HBZ: variants seen among roughly 807,000 people sequenced by gnomAD.
HBZ encodes the protein hemoglobin subunit zeta.
A neutral mutation model predicts 5.8 loss-of-function variants in HBZ; 2 were observed. The ratio of observed to expected loss-of-function variants is 0.34; its 90% CI spans 0.14 to 1.09. The LOEUF (loss-of-function observed/expected upper bound fraction) is 1.09. Among genes scored for constraint, HBZ ranks in the 50% least tolerant of loss-of-function variants. HBZ has a pLI of 0.42. For synonymous variants in HBZ, 39 were observed against 47.4 expected, an observed-to-expected ratio of 0.82 and a Z score of 0.73; for missense variants, 47 against 97.8, an observed-to-expected ratio of 0.48 and a Z score of 2.19.
rs1480061996 is a variant in HBZ, at chr16:153,013, C to G, written c.95+9C>G. On this transcript the variant is annotated intron_variant, in intron 1 of 2. Coordinates refer to ENST00000252951, the MANE Select transcript of HBZ (RefSeq NM_005332.3). ...ACCGAGACTCTGGAGAGGTGAGTGT[C>G]AGACGGGACTGCCAGAGGGACTGGG... 11 of 1,565,166 alleles carry G rather than the reference C, an allele frequency of 7.0e-6. No homozygotes were observed. The highest frequency in any genetic ancestry group is 9.6e-6 in the Non-Finnish European group (11 of 1,150,820).
At position 152,982 on chromosome 16, in the gene HBZ, A is replaced by G. The variant is rs1278413695; in HGVS notation, c.73A>G (p.Ile25Val). ...CAAGATCTCCACGCAGGCCGACACC[A>G]TCGGCACCGAGACTCTGGAGAGGTG... ...WAKISTQADT[I>V]GTETLERLFL... The change falls in exon 1 of 3, where the codon ATC becomes GTC. Residue 25 changes from isoleucine (I) to valine (V), a missense_variant. Coordinates refer to ENST00000252951, the MANE Select transcript of HBZ (RefSeq NM_005332.3). 1 of 1,608,736 alleles carries G rather than the reference A, an allele frequency of 6.2e-7. No homozygotes were observed. The highest frequency in any genetic ancestry group is 2.2e-5 in the East Asian group (1 of 44,708).
rs1901680455 is a variant in HBZ, at chr16:154,454, G to T, written c.*54G>T. The T allele has an allele frequency of 5.4e-6, 7 of 1,288,884 alleles. No homozygotes were observed. The highest frequency in any genetic ancestry group is 2.0e-4 in the Middle Eastern group (1 of 5,030). 79.8% of individuals were successfully genotyped at this position (1,288,884 alleles called of 1,614,324 possible). On this transcript the variant is annotated 3_prime_UTR_variant, in exon 3 of 3. Coordinates refer to ENST00000252951, the MANE Select transcript of HBZ (RefSeq NM_005332.3). Reference sequence around the variant, plus strand: ...CTGCGGCCCCTCCCCCGTCCTGGAGGTTCCCCAGCCCCACTTACCGCGTAA... The same window carrying T: ...CTGCGGCCCCTCCCCCGTCCTGGAGTTTCCCCAGCCCCACTTACCGCGTAA...
Position 152,760 on chromosome 16 carries a change from C to T in HBZ, c.-150C>T. On this transcript the variant is annotated 5_prime_UTR_variant, in exon 1 of 3. Transcript: ENST00000252951. ...TTGTCACTGGATCTGATAAGAAACA[C>T]CACCCCTGCAGCCCCCTCCCCTCAC... The T allele has an allele frequency of 1.2e-5, 16 of 1,368,552 alleles. No homozygotes were observed. The highest frequency in any genetic ancestry group is 2.5e-5 in the Admixed American group (1 of 39,998). 84.8% of individuals were successfully genotyped at this position (1,368,552 alleles called of 1,614,324 possible).
intron 1 of HBZ, among the ~76,000 whole-genome samples, 184 bp downstream of exon 1, chr16:153,188 G>A (rs879502761): frequency 2.0e-5 from 3 of 151,948 alleles, no homozygotes; most frequent in African/African-American, 7.2e-5. Flanking sequence ...AGTGAGGAGG[G>A]AACCGTGGAG....
rs1382681814 is a variant in HBZ at position 154,445 on chromosome 16, G to C, written c.*45G>C. The C allele has an allele frequency of 7.5e-7, 1 of 1,336,588 alleles. No homozygotes were observed. The highest frequency in any genetic ancestry group is 2.5e-5 in the Admixed American group (1 of 40,162). 82.8% of individuals were successfully genotyped at this position (1,336,588 alleles called of 1,614,324 possible). A position where few individuals can be genotyped will look rare whatever the true frequency, so the allele number is the denominator to read the frequency against. ...CAGGACAGGCTGCGGCCCCTCCCCC[G>C]TCCTGGAGGTTCCCCAGCCCCACTT... On this transcript the variant is annotated 3_prime_UTR_variant, in exon 3 of 3. Coordinates refer to ENST00000252951, the MANE Select transcript of HBZ (RefSeq NM_005332.3).
At position 154,485 on chromosome 16, in the gene HBZ, C is replaced by A; in HGVS notation, c.*85C>A. ...CAGCCCCACTTACCGCGTAATGCGC[C>A]AATAAACCAATGAACGAAGCAGCGT... On this transcript the variant is annotated 3_prime_UTR_variant, in exon 3 of 3. Coordinates refer to ENST00000252951, the MANE Select transcript of HBZ (RefSeq NM_005332.3). 1.1e-6 allele frequency: 1 copy of A among 933,894 alleles called. No individual in the cohort carries two copies. Among genetic ancestry groups the A allele is most frequent in the Non-Finnish European group, 1.5e-6 (1 of 666,604 alleles). The allele number at this position is 933,894 out of a possible 1,614,324, so 57.9% of individuals were successfully genotyped here.
chr16:152,994 A>T lies in HBZ; in HGVS notation c.85A>T (p.Thr29Ser), dbSNP rs1217597992. The T allele has an allele frequency of 1.2e-6, 2 of 1,606,090 alleles. No individual in the cohort carries two copies. Among genetic ancestry groups the T allele is most frequent in the East Asian group, 2.2e-5 (1 of 44,502 alleles). ...STQADTIGTE[T>S]LERLFLSHPQ... Reference sequence around the variant, plus strand: ...GCAGGCCGACACCATCGGCACCGAGACTCTGGAGAGGTGAGTGTCAGACGG... The same window carrying T: ...GCAGGCCGACACCATCGGCACCGAGTCTCTGGAGAGGTGAGTGTCAGACGG... The change falls in exon 1 of 3, where the codon ACT becomes TCT. Residue 29 changes from threonine (T) to serine (S), a missense_variant. Physicochemically the swap from Thr to Ser is moderately conservative, Grantham distance 58 (BLOSUM62 1). This residue lies in a region of HBZ where 29 missense variants were observed against 39.7 expected (regional missense o/e 0.73). Transcript: ENST00000252951.
intron 1 of HBZ, among the ~76,000 whole-genome samples, chr16:153,274 G>A (rs1476811216): frequency 2.0e-5 from 3 of 151,382 alleles, no homozygotes; most frequent in Non-Finnish European, 3.0e-5. Context: ...AGGAGGGAAC[G>A]ATTAGGAGTT....
intron 1 of HBZ, among the ~76,000 whole-genome samples, chr16:153,455 C>G (rs1188730392): frequency 1.8e-5 from 2 of 111,844 alleles, no homozygotes; most frequent in Admixed American, 9.3e-5. Flanking sequence ...CTTCAAATTC[C>G]CAGCATCTGA....
intron 1 of HBZ, 51 bp from the exon 2 acceptor site, chr16:153,841 T>TG (rs556135990): frequency 1 from 3,258 of 3,260 alleles, 1,629 homozygotes; most frequent in Middle Eastern, 1. Flanking sequence ...GCGTGGGCCG[T>TG]GGCGGGAGGC....
rs1901639223 is a variant in HBZ, at chr16:152,930, G to A, written c.21G>A (p.Glu7=). ...CCGCCATGTCTCTGACCAAGACTGA[G>A]AGGACCATCATTGTGTCCATGTGGG... MSLTKT[E]RTIIVSMWAK... Residue 7 remains glutamate, a synonymous_variant, in exon 1 of 3, where the codon GAG becomes GAA. Transcript: ENST00000252951. 1 of 1,612,664 alleles carries A rather than the reference G, an allele frequency of 6.2e-7. No individual in the cohort carries two copies. Among genetic ancestry groups the A allele is most frequent in the African/African-American group, 1.3e-5 (1 of 74,932 alleles).
In HBZ at chr16:152,920, C is replaced by T. The variant is rs1182000048; in HGVS notation, c.11C>T (p.Thr4Ile). MSL[T>I]KTERTIIVSM... ...GCCCACCCTGCCGCCATGTCTCTGA[C>T]CAAGACTGAGAGGACCATCATTGTG... Residue 4 changes from threonine to isoleucine, a missense_variant, in exon 1 of 3, where the codon ACC becomes ATC. Transcript: ENST00000252951. 6.2e-7 allele frequency: 1 copy of T among 1,612,732 alleles called. No individual in the cohort carries two copies. Among genetic ancestry groups the T allele is most frequent in the Admixed American group, 1.7e-5 (1 of 60,000 alleles).
chr16:153,034 C>A, intron 1 of HBZ, 30 bp downstream of exon 1: 1 of 1,203,922 alleles, frequency 8.3e-7, no homozygotes. Context: ...GCCAGAGGGA[C>A]TGGGTGGGAG....
chr16:153,144 G>A (rs1901648148), intron 1 of HBZ, 140 bp downstream of exon 1: 2 of 531,618 alleles, frequency 3.8e-6, no homozygotes, highest in Non-Finnish European at 6.6e-6. Context: ...ACTGTGGGGA[G>A]AGGACAGTGA....
chr16:154,363 C>T lies in HBZ; in HGVS notation c.392C>T (p.Ser131Leu), dbSNP rs759067295. 2 of 1,540,050 alleles carry T rather than the reference C, an allele frequency of 1.3e-6. No homozygotes were observed. ...EAHAAWDKFL[S>L]VVSSVLTEKY... is the part of the protein sequence containing the mutation. ...CACGCCGCCTGGGACAAGTTCCTATCGGTCGTATCCTCTGTCCTGACCGAG... is the reference window on the plus strand; with the variant it reads ...CACGCCGCCTGGGACAAGTTCCTATTGGTCGTATCCTCTGTCCTGACCGAG... Residue 131 changes from serine (S) to leucine (L), a missense_variant, in exon 3 of 3, where the codon TCG (serine) becomes TTG (leucine). Ser to Leu is a moderately radical substitution (Grantham distance 145). Coordinates refer to ENST00000252951, the MANE Select transcript of HBZ (RefSeq NM_005332.3).
At chr16:153,093 C>A in intron 1 of HBZ, 89 bp downstream of exon 1, 6 of 641,104 alleles carry the variant, frequency 9.4e-6, no homozygotes, top group Admixed American at 3.1e-5. Flanking sequence ...GGGGAGGGGA[C>A]AGTGGGGAGG....
rs758694975 is a variant in HBZ, at chr16:152,901, C to T, written c.-9C>T. ...GCCCAACTCCAGTGCAGCTGCCCAC[C>T]CTGCCGCCATGTCTCTGACCAAGAC... On this transcript the variant is annotated 5_prime_UTR_variant, in exon 1 of 3. Transcript: ENST00000252951. The T allele has an allele frequency of 1.2e-6, 2 of 1,612,264 alleles. No individual in the cohort carries two copies. Among genetic ancestry groups the T allele is most frequent in the South Asian group, 1.1e-5 (1 of 91,028 alleles).
rs148015051 is a variant in HBZ, at chr16:152,691, T to A, written c.-219T>A. 128 of 746,274 alleles carry A rather than the reference T, an allele frequency of 1.7e-4. 1 individual carries two copies. In the African/African-American group the frequency reaches 2.1e-3, roughly 12 times the overall value. The allele number at this position is 746,274 out of a possible 1,614,324, so 46.2% of individuals were successfully genotyped here. A position where few individuals can be genotyped will look rare whatever the true frequency, so the allele number is the denominator to read the frequency against. On this transcript the variant is annotated 5_prime_UTR_variant, in exon 1 of 3. Coordinates refer to ENST00000252951, the MANE Select transcript of HBZ (RefSeq NM_005332.3). ...TAAGGCCACAGGAGAGGAACAGGAG[T>A]GATAGCCCCCAAACCCCAGTCCCAC...
rs1316795558 is a variant in HBZ at position 154,151 on chromosome 16, G to GT, written c.300+55_300+56insT. On this transcript the variant is annotated intron_variant, in intron 2 of 2. Coordinates refer to ENST00000252951, the MANE Select transcript of HBZ (RefSeq NM_005332.3). ...GACGGGGCGGGGCGCGGTGCGGGCG[G>GT]GGCGGGGCGGGGCGGGGCGGGGAGG... The GT allele has an allele frequency of 1.3e-4, 6 of 45,534 alleles. No individual in the cohort carries two copies. The African/African-American group carries it at 2.0e-3, about 15-fold the overall frequency. The allele number at this position is 45,534 out of a possible 1,614,324, so 2.8% of individuals were successfully genotyped here. A position where few individuals can be genotyped will look rare whatever the true frequency, so the allele number is the denominator to read the frequency against.
Sources: allele counts gnomAD v4.1 joint callset (sites outside exome capture counted in the v4.1 genomes callset), GRCh38; gene constraint gnomAD v4.1.1; regional missense constraint gnomAD v4.1.1; transcripts MANE v1.5; gene names NCBI Gene and HGNC (gene_info 2026-07-23, HGNC 2026-07-21).